Variants in ADGRD1 observed in about 807,000 individuals in gnomAD.
The protein encoded by ADGRD1 is G-protein coupled receptor 133.
Under a neutral mutation model 113.4 loss-of-function variants are expected in ADGRD1, and 77 were observed. That is an observed-to-expected ratio of 0.68 (90% CI 0.57 to 0.82). The LOEUF is 0.82. Among genes scored for constraint, ADGRD1 ranks in the 40% least tolerant of loss-of-function variants. The probability of loss-of-function intolerance (pLI) is 0.00; values close to 1 mark genes in which losing one functional copy is unlikely to be tolerated. For missense variants in ADGRD1, 1,036 were observed against 1,139.1 expected (o/e 0.91, Z 1.30); for synonymous variants, 474 against 475.0 (o/e 1.00, Z 0.03).
In ADGRD1 at chr12:131,089,351, A is replaced by C. The variant is rs575003233; in HGVS notation, c.1671+4688A>C. Among the ~76,000 whole-genome samples, 14 of 152,272 alleles carry C rather than the reference A, an allele frequency of 9.2e-5. No homozygotes were observed. In the South Asian group the frequency reaches 2.9e-3, roughly 32 times the overall value. On this transcript the variant is annotated intron_variant, in intron 15 of 24. Transcript: ENST00000261654. ...CAGGCATTGCCTTCAGGGAACGGGG[A>C]ACGTCTTCCTTCATGCACAGCTCTG...
chr12:131,133,621 A>T lies in ADGRD1; in HGVS notation c.2267+1805A>T, dbSNP rs182196844. Among the ~76,000 whole-genome samples, 1,039 of 152,246 alleles carry T rather than the reference A, an allele frequency of 6.8e-3. 9 individuals carry two copies. The highest frequency in any genetic ancestry group is 0.024 in the African/African-American group (984 of 41,542). ...GAGGTGCAGGCAGGCATCTCTGGGGACAGACCGCTCTGGGTCCCTCTCCAT... is the reference window on the plus strand; with the variant it reads ...GAGGTGCAGGCAGGCATCTCTGGGGTCAGACCGCTCTGGGTCCCTCTCCAT... On this transcript the variant is annotated intron_variant, in intron 21 of 24. Coordinates refer to ENST00000261654, the MANE Select transcript of ADGRD1 (RefSeq NM_198827.5).
chr12:131,069,665 CT>C (rs1383522298), intron 13 of ADGRD1: 1 of 152,488 alleles, frequency 6.6e-6, no homozygotes, highest in Non-Finnish European at 1.5e-5. Flanking sequence ...TCTGGTTCTC[CT>C]GAGCAGAAAG....
At position 131,025,537 on chromosome 12, in the gene ADGRD1, CTTCTT is replaced by C. The variant is rs1879836995; in HGVS notation, c.1473+11205_1473+11209del. 6 of 150,280 alleles carry C rather than the reference CTTCTT, an allele frequency of 4.0e-5. No homozygotes were observed. In the Admixed American group the frequency reaches 4.0e-4, roughly 10 times the overall value. The allele number at this position is 150,280 out of a possible 1,614,324, so 9.3% of individuals were successfully genotyped here. On this transcript the variant is annotated intron_variant, in intron 13 of 24. Transcript: ENST00000261654. ...GTCTTGAGGCCCGAGGCTGAGATGC[CTTCTT>C]TTCTTTTTTTTTTTTTTTGATACAG...
intron 13 of ADGRD1, among the ~76,000 whole-genome samples, chr12:131,015,226 G>T (rs565484720): frequency 1.3e-5 from 2 of 152,366 alleles, no homozygotes; most frequent in South Asian, 4.1e-4. Flanking sequence ...ACCTGGGAGG[G>T]GCCCACACAC....
chr12:131,090,351 A>G (rs1886827418), intron 15 of ADGRD1, among the ~76,000 whole-genome samples: 1 of 150,138 alleles, frequency 6.7e-6, no homozygotes. Flanking sequence ...ACCTGGAGTC[A>G]TGTCTTCCAC....
At chr12:131,004,644 C>T (rs1876864072) in intron 11 of ADGRD1, among the ~76,000 whole-genome samples, 1 of 152,216 alleles carries the variant, frequency 6.6e-6, no homozygotes, top group South Asian at 2.1e-4. Flanking sequence ...ATCCTACCTA[C>T]ATCCTCCTAA....
intron 3 of ADGRD1, chr12:130,969,895 T>G (rs1157473480): frequency 1.3e-5 from 2 of 152,240 alleles, no homozygotes; most frequent in Non-Finnish European, 2.9e-5. Flanking sequence ...AGACCTTTTC[T>G]AGACATAGAG....
Position 131,075,208 on chromosome 12 carries a change from C to A in ADGRD1, c.1474-1593C>A. On this transcript the variant is annotated intron_variant, in intron 13 of 24. Transcript: ENST00000261654. The surrounding 1 kb of genome is among the most constrained non-coding windows in gnomAD (Gnocchi z 5.3). ...CTCCTTGTTAAAAAATTACATATAA[C>A]GCTGTCTGCTGGAGGCTTTGGCCCT... Among the ~76,000 whole-genome samples, 1 of 152,268 alleles carries A rather than the reference C, an allele frequency of 6.6e-6. No individual in the cohort carries two copies. Among genetic ancestry groups the A allele is most frequent in the East Asian group, 1.9e-4 (1 of 5,182 alleles).
At chr12:131,017,312 C>G (rs1878690243) in intron 13 of ADGRD1, among the ~76,000 whole-genome samples, 2 of 147,766 alleles carry the variant, frequency 1.4e-5, no homozygotes, top group Admixed American at 6.7e-5. Flanking sequence ...CACACCCAGT[C>G]CACACACACC....
rs369041231 is a variant in ADGRD1 at position 130,971,619 on chromosome 12, T to A, written c.310+39T>A. 196 of 1,570,538 alleles carry A rather than the reference T, an allele frequency of 1.2e-4. No homozygotes were observed. The highest frequency in any genetic ancestry group is 1.7e-4 in the Non-Finnish European group (192 of 1,157,670). On this transcript the variant is annotated intron_variant, in intron 4 of 24. Transcript: ENST00000261654. This position sits in a 1 kb window ranked among gnomAD's most constrained non-coding sequence, Gnocchi z 4.2. ...CCCTGCGGCATCTTTGTCAAGCATTTCATTCTCAGGGAGCACCTGCTCCTC... is the reference window on the plus strand; with the variant it reads ...CCCTGCGGCATCTTTGTCAAGCATTACATTCTCAGGGAGCACCTGCTCCTC...
intron 11 of ADGRD1, 96 bp downstream of exon 11, chr12:131,004,392 GCTGCGGTGCTCCCCCGGGCCGC>G (rs56322364): frequency 9.4e-5 from 74 of 790,796 alleles, no homozygotes; most frequent in Middle Eastern, 5.3e-4. Context: ...GCGCCAGGGA[GCTGCGGTGCTCCCCCGGGCCGC>G]CTGCGGTGCT....
At chr12:131,010,402 A>G (rs569166292) in intron 12 of ADGRD1, among the ~76,000 whole-genome samples, 5 of 152,328 alleles carry the variant, frequency 3.3e-5, no homozygotes, top group South Asian at 2.1e-4. Flanking sequence ...TCACTCCCCA[A>G]TGTGACATGG....
intron 22 of ADGRD1, among the ~76,000 whole-genome samples, 195 bp downstream of exon 22, chr12:131,136,358 G>A (rs145852598): frequency 1.1e-4 from 17 of 152,364 alleles, no homozygotes; most frequent in African/African-American, 3.1e-4. Context: ...CCTTCAGGGC[G>A]GGGCTGCCTA....
At position 131,085,349 on chromosome 12, in the gene ADGRD1, A is replaced by G. The variant is rs1386904393; in HGVS notation, c.1671+686A>G. Among the ~76,000 whole-genome samples, 4 of 152,184 alleles carry G rather than the reference A, an allele frequency of 2.6e-5. No homozygotes were observed. The South Asian group carries it at 8.3e-4, about 31-fold the overall frequency. On this transcript the variant is annotated intron_variant, in intron 15 of 24. Coordinates refer to ENST00000261654, the MANE Select transcript of ADGRD1 (RefSeq NM_198827.5). Reference sequence around the variant, plus strand: ...CTAGGCCAGGAAACAGCAAGTGCACAGGACAAGGGGCAGGAAGGGGCTTGG... The same window carrying G: ...CTAGGCCAGGAAACAGCAAGTGCACGGGACAAGGGGCAGGAAGGGGCTTGG...
chr12:131,059,358 T>G (rs1053129366), intron 13 of ADGRD1, among the ~76,000 whole-genome samples: 8 of 152,120 alleles, frequency 5.3e-5, no homozygotes, highest in Non-Finnish European at 8.8e-5. Context: ...TTTTTGTATT[T>G]TTAGTAGAGA....
At chr12:131,038,991 C>G (rs962722873) in intron 13 of ADGRD1, among the ~76,000 whole-genome samples, 6 of 152,250 alleles carry the variant, frequency 3.9e-5, no homozygotes, top group Non-Finnish European at 7.3e-5. Context: ...AGGAGGAAGC[C>G]TATGGTCATC....
intron 13 of ADGRD1, among the ~76,000 whole-genome samples, chr12:131,055,194 T>C (rs1012398166): frequency 2.6e-5 from 4 of 152,242 alleles, no homozygotes; most frequent in East Asian, 1.9e-4. Flanking sequence ...GTGGGTGTTA[T>C]CTGGGTTACC....
intron 13 of ADGRD1, among the ~76,000 whole-genome samples, chr12:131,032,687 T>C (rs145690959): frequency 0.029 from 3,800 of 129,598 alleles, 166 homozygotes; most frequent in African/African-American, 0.13. Flanking sequence ...AGAGATGACA[T>C]TTATTAGAGA....
chr12:131,063,807 T>C (rs1238083734), intron 13 of ADGRD1, among the ~76,000 whole-genome samples: 1 of 152,226 alleles, frequency 6.6e-6, no homozygotes, highest in Non-Finnish European at 1.5e-5. Flanking sequence ...AGAGTAAGAT[T>C]TTCTGTGTCT....
Sources: gnomAD v4.1 joint callset for allele counts (sites outside exome capture counted in the v4.1 genomes callset) on GRCh38, gnomAD v4.1.1 for gene constraint, Gnocchi (gnomAD v3.1) non-coding constraint, MANE v1.5 for transcripts, NCBI Gene and HGNC (gene_info 2026-07-23, HGNC 2026-07-21) for gene names.